The following USP49 variants were observed in gnomAD, a reference collection of about 807,000 sequenced individuals.
USP49 encodes the protein ubiquitin carboxyl-terminal hydrolase 49.
USP49 carries 24 observed loss-of-function variants against 58.6 expected under a neutral mutation model. That is an observed-to-expected ratio of 0.41 (90% CI 0.30 to 0.58). The LOEUF (loss-of-function observed/expected upper bound fraction) is 0.58. USP49 is among the 20% of genes least tolerant of loss of function. USP49 has a pLI of 0.30. For missense variants in USP49, 703 were observed against 866.1 expected, an observed-to-expected ratio of 0.81 and a Z score of 2.36; for synonymous variants, 408 against 365.1, an observed-to-expected ratio of 1.12 and a Z score of -1.34.
rs1170391248 is a variant in USP49 at position 41,790,988 on chromosome 6, A to C, written c.*5545T>G. On this transcript the variant is annotated 3_prime_UTR_variant, in exon 8 of 8. Transcript: ENST00000682992. ...GATGCTAACCCCCATTTAGACCTGC[A>C]TCAGATCACTTGCTAAGACAAGAAA... 3 of 152,216 alleles carry C rather than the reference A, an allele frequency of 2.0e-5. No individual in the cohort carries two copies. The highest frequency in any genetic ancestry group is 6.5e-5 in the Admixed American group (1 of 15,284). 9.4% of individuals were successfully genotyped at this position (152,216 alleles called of 1,614,324 possible).
intron 2 of USP49, among the ~76,000 whole-genome samples, chr6:41,878,303 A>G (rs1168202030): frequency 2.0e-5 from 3 of 152,158 alleles, no homozygotes; most frequent in Non-Finnish European, 2.9e-5. Flanking sequence ...AGAATCCTAA[A>G]ATGTGTTGGG....
intron 5 of USP49, among the ~76,000 whole-genome samples, chr6:41,800,799 T>C (rs760971106): frequency 2.6e-5 from 4 of 152,268 alleles, no homozygotes; most frequent in Non-Finnish European, 5.9e-5. Context: ...TTTTTTTCTT[T>C]AGCATGATTT....
rs34076767 is a variant in USP49 at position 41,860,674 on chromosome 6, A to AT, written c.-29+10889dup. Among the ~76,000 whole-genome samples, 7 of 150,028 alleles carry AT rather than the reference A, an allele frequency of 4.7e-5. No individual in the cohort carries two copies. The East Asian group carries it at 7.9e-4, about 17-fold the overall frequency. ...AGGCGTGCACCATCACACCCAGCTA[A>AT]TTTTTTTTTTGTATTTTAGTAGAGA... On this transcript the variant is annotated intron_variant, in intron 3 of 7. Coordinates refer to ENST00000682992, the MANE Select transcript of USP49 (RefSeq NM_001286554.2).
chr6:41,791,609 T>C lies in USP49; in HGVS notation c.*4924A>G, dbSNP rs1772798991. 6.6e-6 allele frequency: 1 copy of C among 152,248 alleles called. No homozygotes were observed. The highest frequency in any genetic ancestry group is 2.1e-4 in the South Asian group (1 of 4,834). The allele number at this position is 152,248 out of a possible 1,614,324, so 9.4% of individuals were successfully genotyped here. A position where few individuals can be genotyped will look rare whatever the true frequency, so the allele number is the denominator to read the frequency against. ...TCCTGTCACACTTTTCAGCCCTGGC[T>C]AGTTAACACAGTACTATGAAAATCT... is the stretch of plus-strand genomic sequence containing the variant. On this transcript the variant is annotated 3_prime_UTR_variant, in exon 8 of 8. Transcript: ENST00000682992.
chr6:41,857,931 T>C (rs760474938), intron 3 of USP49, among the ~76,000 whole-genome samples: 2 of 152,192 alleles, frequency 1.3e-5, no homozygotes, highest in Non-Finnish European at 2.9e-5. Flanking sequence ...TCTCTCTCAG[T>C]AGAAGCAGCT....
intron 3 of USP49, among the ~76,000 whole-genome samples, chr6:41,808,880 T>C (rs973495225): frequency 1.1e-4 from 16 of 151,976 alleles, no homozygotes; most frequent in Admixed American, 3.3e-4. Flanking sequence ...CTAGCCAACA[T>C]AGACCTGTCC....
chr6:41,862,544 CA>C (rs1238855508), intron 3 of USP49, among the ~76,000 whole-genome samples: 1 of 151,816 alleles, frequency 6.6e-6, no homozygotes, highest in African/African-American at 2.4e-5. Flanking sequence ...TACATGGTTT[CA>C]AAAGGAAAAG....
chr6:41,807,077 TAAAA>T (rs11393933), intron 3 of USP49, 66 bp from the exon 4 acceptor site: 8 of 1,041,054 alleles, frequency 7.7e-6, no homozygotes, highest in Admixed American at 8.6e-5. Flanking sequence ...ATATTTTCCT[TAAAA>T]AAAAAAAAAA....
intron 1 of USP49, chr6:41,894,358 C>T (rs1458466312): frequency 6.6e-6 from 1 of 152,380 alleles, no homozygotes; most frequent in East Asian, 1.9e-4. Context: ...AGACACCCAT[C>T]TCTTATCTGT....
At chr6:41,860,357 C>A (rs937579375) in intron 3 of USP49, among the ~76,000 whole-genome samples, 11 of 151,938 alleles carry the variant, frequency 7.2e-5, no homozygotes, top group Non-Finnish European at 1.5e-4. Context: ...AACATTTGAA[C>A]TTTACTGGAA....
chr6:41,869,740 C>T (rs761313628), intron 3 of USP49: 3 of 151,286 alleles, frequency 2.0e-5, no homozygotes, highest in African/African-American at 7.3e-5. Context: ...AAAAAAAACT[C>T]AAGAAGGCAT....
Position 41,806,402 on chromosome 6 carries a change from C to G in USP49, c.582G>C (p.Arg194=), listed in dbSNP as rs776405416. The change falls in exon 4 of 8, where the codon CGG becomes CGC. Residue 194 remains arginine, a synonymous_variant. Coordinates refer to ENST00000682992, the MANE Select transcript of USP49 (RefSeq NM_001286554.2). This position sits in a 1 kb window ranked among gnomAD's most constrained non-coding sequence, Gnocchi z 5.9. The stretch of plus-strand genomic sequence containing the variant: ...TGCTGGCCAGCTCCTCCAGCAGCCG[C>G]CGTTTCACCTCGCGCCGCCGCCTCC... ...EARRRRREVK[R]RLLEELASTP... The G allele has an allele frequency of 1.3e-6, 2 of 1,561,920 alleles. No individual in the cohort carries two copies. The highest frequency in any genetic ancestry group is 2.4e-5 in the South Asian group (2 of 84,796).
chr6:41,822,889 G>A (rs1773475780), intron 3 of USP49, among the ~76,000 whole-genome samples: 1 of 151,938 alleles, frequency 6.6e-6, no homozygotes, highest in Non-Finnish European at 1.5e-5. Context: ...AAGAAAAGGA[G>A]TCAAATACAC....
chr6:41,795,987 A>C lies in USP49; in HGVS notation c.*546T>G, dbSNP rs1257403289. Reference sequence around the variant, plus strand: ...ACTCCACTCTTCAGCTGCTATCCCCAAAAAAGGAAGTTTGTTTTAAACCCT... The same window carrying C: ...ACTCCACTCTTCAGCTGCTATCCCCCAAAAAGGAAGTTTGTTTTAAACCCT... On this transcript the variant is annotated 3_prime_UTR_variant, in exon 8 of 8. Coordinates refer to ENST00000682992, the MANE Select transcript of USP49 (RefSeq NM_001286554.2). 1 of 152,300 alleles carries C rather than the reference A, an allele frequency of 6.6e-6. No individual in the cohort carries two copies. Among genetic ancestry groups the C allele is most frequent in the East Asian group, 1.9e-4 (1 of 5,192 alleles). The allele number at this position is 152,300 out of a possible 1,614,324, so 9.4% of individuals were successfully genotyped here. A position where few individuals can be genotyped will look rare whatever the true frequency, so the allele number is the denominator to read the frequency against.
chr6:41,796,317 C>A lies in USP49; in HGVS notation c.*216G>T. 2 of 481,576 alleles carry A rather than the reference C, an allele frequency of 4.2e-6. No individual in the cohort carries two copies. The highest frequency in any genetic ancestry group is 7.4e-6 in the Non-Finnish European group (2 of 269,130). The allele number at this position is 481,576 out of a possible 1,614,324, so 29.8% of individuals were successfully genotyped here. A position where few individuals can be genotyped will look rare whatever the true frequency, so the allele number is the denominator to read the frequency against. ...GATGAAAGGATCTTCATAGAAGTTA[C>A]TTCTTTTGTTTTTAGGAAAGGAGGG... On this transcript the variant is annotated 3_prime_UTR_variant, in exon 8 of 8. Coordinates refer to ENST00000682992, the MANE Select transcript of USP49 (RefSeq NM_001286554.2).
rs1772807999 is a variant in USP49, at chr6:41,792,144, C to G, written c.*4389G>C. The G allele has an allele frequency of 6.6e-6, 1 of 152,404 alleles. No individual in the cohort carries two copies. The highest frequency in any genetic ancestry group is 2.1e-4 in the South Asian group (1 of 4,828). 9.4% of individuals were successfully genotyped at this position (152,404 alleles called of 1,614,324 possible). On this transcript the variant is annotated 3_prime_UTR_variant, in exon 8 of 8. Coordinates refer to ENST00000682992, the MANE Select transcript of USP49 (RefSeq NM_001286554.2). ...TGGGTCTTAGCACCTTCCACATTCA[C>G]TCAGCGCCATCTCAGTCAGCGCCTG...
rs539168152 is a variant in USP49, at chr6:41,865,037, T to TTTTA, written c.-29+6523_-29+6526dup. On this transcript the variant is annotated intron_variant, in intron 3 of 7. Coordinates refer to ENST00000682992, the MANE Select transcript of USP49 (RefSeq NM_001286554.2). ...TCCTTTGGTATCTCATTTTTTTTAT[T>TTTTA]TTTATTTATTTATTTATTTATTTTT... Among the ~76,000 whole-genome samples, 392 of 152,064 alleles carry TTTTA rather than the reference T, an allele frequency of 2.6e-3. 3 individuals are homozygous for TTTTA. Among genetic ancestry groups the TTTTA allele is most frequent in the African/African-American group, 8.8e-3 (365 of 41,514 alleles).
At chr6:41,822,758 T>G (rs1773473718) in intron 3 of USP49, among the ~76,000 whole-genome samples, 1 of 149,784 alleles carries the variant, frequency 6.7e-6, no homozygotes, top group South Asian at 2.1e-4. Flanking sequence ...GGCAGAAGAA[T>G]CGCTTGAGCC....
chr6:41,797,884 T>C, intron 7 of USP49: 12 of 911,274 alleles, frequency 1.3e-5, no homozygotes, highest in Non-Finnish European at 1.4e-5. Flanking sequence ...ATTTATTTAT[T>C]TGAGTCAGGA....
Sources: allele counts gnomAD v4.1 joint callset (sites outside exome capture counted in the v4.1 genomes callset), GRCh38; gene constraint gnomAD v4.1.1; non-coding constraint Gnocchi (gnomAD v3.1); transcripts MANE v1.5; gene names NCBI Gene and HGNC (gene_info 2026-07-23, HGNC 2026-07-21).